Variants in LTBR observed in about 807,000 individuals in gnomAD.
The protein encoded by LTBR is tumor necrosis factor receptor superfamily member 3.
In LTBR, 15 loss-of-function variants were observed where a neutral mutation model predicts 45.4. That is an observed-to-expected ratio of 0.33 (90% CI 0.22 to 0.51). The LOEUF (loss-of-function observed/expected upper bound fraction) is 0.51. Among genes scored for constraint, LTBR ranks in the 20% least tolerant of loss-of-function variants. The probability of loss-of-function intolerance (pLI) is 0.97; values close to 1 mark genes in which losing one functional copy is unlikely to be tolerated. For synonymous variants in LTBR, 228 were observed against 231.0 expected, an observed-to-expected ratio of 0.99 and a Z score of 0.12; for missense variants, 450 against 565.5, an observed-to-expected ratio of 0.80 and a Z score of 2.07.
upstream of LTBR, among the ~76,000 whole-genome samples, chr12:6,382,460 G>A (rs1401614744): frequency 6.6e-6 from 1 of 152,192 alleles, no homozygotes; most frequent in African/African-American, 2.4e-5. Flanking sequence ...AGGACCTAGG[G>A]TCGCTACACA....
chr12:6,380,331 C>T (rs540524103), upstream of LTBR, among the ~76,000 whole-genome samples: 2 of 152,172 alleles, frequency 1.3e-5, no homozygotes, highest in African/African-American at 2.4e-5. Flanking sequence ...TTTCCAAGAG[C>T]ACTAGTCAGC....
intron 4 of LTBR, 99 bp from the exon 5 acceptor site, chr12:6,385,967 G>A: frequency 2.5e-6 from 2 of 789,192 alleles, no homozygotes; most frequent in Non-Finnish European, 4.5e-6. Flanking sequence ...ACGCAATGGG[G>A]TGGATGGGCA....
At chr12:6,375,725 A>G in intron 1 of LTBR, 1 of 1,423,952 alleles carries the variant, frequency 7.0e-7, no homozygotes, top group Non-Finnish European at 9.2e-7. Context: ...GGGGCTTTAG[A>G]CGCAGACAGG....
chr12:6,377,894 C>T (rs1425956807), intron 1 of LTBR, among the ~76,000 whole-genome samples: 2 of 152,176 alleles, frequency 1.3e-5, no homozygotes, highest in Admixed American at 6.5e-5. Context: ...CACGTCCTGC[C>T]GGGTATGGGA....
chr12:6,381,931 C>A (rs1308344889), upstream of LTBR, among the ~76,000 whole-genome samples: 1 of 152,170 alleles, frequency 6.6e-6, no homozygotes, highest in Non-Finnish European at 1.5e-5. Flanking sequence ...GAGATTGCAC[C>A]ACTGCACTCC....
upstream of LTBR, among the ~76,000 whole-genome samples, chr12:6,380,168 A>G (rs997789737): frequency 2.6e-5 from 4 of 151,966 alleles, no homozygotes; most frequent in African/African-American, 9.7e-5. Context: ...CATTGTGACC[A>G]AAACATCTCC....
At position 6,385,252 on chromosome 12, in the gene LTBR, C is replaced by A; in HGVS notation, c.345C>A (p.Pro115=). The A allele has an allele frequency of 6.2e-7, 1 of 1,614,120 alleles. No homozygotes were observed. ...DPVMGLEEIA[P]CTSKRKTQCR... ...TGATGGGCCTCGAGGAGATTGCCCC[C>A]TGCACAAGCAAACGGAAGACCCAGT... is the stretch of plus-strand genomic sequence containing the variant. The change falls in exon 4 of 10, where the codon CCC becomes CCA. Residue 115 remains proline, a synonymous_variant. Transcript: ENST00000228918.
Position 6,391,050 on chromosome 12 carries a change from C to T in LTBR, c.*113C>T, listed in dbSNP as rs184319376. 22 of 1,167,960 alleles carry T rather than the reference C, an allele frequency of 1.9e-5. No individual in the cohort carries two copies. In the Admixed American group the frequency reaches 4.7e-4, roughly 25 times the overall value. 72.3% of individuals were successfully genotyped at this position (1,167,960 alleles called of 1,614,324 possible). On this transcript the variant is annotated 3_prime_UTR_variant, in exon 10 of 10. Transcript: ENST00000228918. Reference sequence around the variant, plus strand: ...TGAGTAGGGCCCGGGGAAGCAGAGCCCTAAGGGATTAAGGCTCAGACACCT... The same window carrying T: ...TGAGTAGGGCCCGGGGAAGCAGAGCTCTAAGGGATTAAGGCTCAGACACCT...
At chr12:6,383,119 TAC>T, upstream of LTBR, among the ~76,000 whole-genome samples, 3 of 152,224 alleles carry the variant, frequency 2.0e-5, 1 homozygote, top group East Asian at 5.8e-4. Context: ...GACAGCCAGG[TAC>T]AGAGGGCAGT....
intron 4 of LTBR, 88 bp downstream of exon 4, chr12:6,385,467 C>T (rs1325115774): frequency 4.1e-6 from 6 of 1,475,040 alleles, no homozygotes; most frequent in Middle Eastern, 2.3e-4. Flanking sequence ...ACTGTGTCCA[C>T]GGCGACCCCC....
At chr12:6,378,261 G>A (rs1592093759) in intron 1 of LTBR, among the ~76,000 whole-genome samples, 1 of 152,176 alleles carries the variant, frequency 6.6e-6, no homozygotes, top group Admixed American at 6.5e-5. Context: ...CTATAGGTAT[G>A]TTTCTACAAC....
At chr12:6,378,224 T>C (rs926000155) in intron 1 of LTBR, among the ~76,000 whole-genome samples, 2 of 84,838 alleles carry the variant, frequency 2.4e-5, no homozygotes, top group African/African-American at 1.4e-4. Flanking sequence ...ACAAAATATA[T>C]AGTTCTTTTT....
chr12:6,379,696 C>T (rs1047025523), upstream of LTBR, among the ~76,000 whole-genome samples: 3 of 151,770 alleles, frequency 2.0e-5, no homozygotes, highest in Non-Finnish European at 4.4e-5. Flanking sequence ...TTTGGGAGGC[C>T]GAGGCGGGTG....
At position 6,390,343 on chromosome 12, in the gene LTBR, G is replaced by A. The variant is rs750197738; in HGVS notation, c.1030+3G>A. 6.3e-7 allele frequency: 1 copy of A among 1,591,906 alleles called. No homozygotes were observed. The highest frequency in any genetic ancestry group is 1.1e-5 in the South Asian group (1 of 89,818). On this transcript the variant is annotated splice_donor_region_variant and intron_variant, in intron 9 of 9. Transcript: ENST00000228918. ...GGAGCAGAGCCAGGTGGCCCACGGT[G>A]AGCCTGGGGCAGGGAGAAGAGAGGA...
upstream of LTBR, among the ~76,000 whole-genome samples, chr12:6,381,443 A>G (rs11831297): frequency 0.16 from 23,655 of 152,180 alleles, 3,190 homozygotes; most frequent in African/African-American, 0.34. Context: ...TAGCTGACTG[A>G]CACAATAAAG....
chr12:6,390,069 T>G (rs1949093544), intron 8 of LTBR, 43 bp from the exon 9 acceptor site: 1 of 1,320,764 alleles, frequency 7.6e-7, no homozygotes. Context: ...AAAAAGGGTC[T>G]GGGGCCCTCA....
At chr12:6,390,614 G>A in intron 9 of LTBR, 46 bp from the exon 10 acceptor site, 1 of 1,496,248 alleles carries the variant, frequency 6.7e-7, no homozygotes, top group Non-Finnish European at 8.9e-7. Flanking sequence ...CAGCGGGCCT[G>A]AACTGGGGGC....
intron 1 of LTBR, among the ~76,000 whole-genome samples, chr12:6,378,227 T>A (rs570995034): frequency 1.5e-4 from 13 of 84,460 alleles, no homozygotes; most frequent in Non-Finnish European, 2.4e-4. Context: ...AAATATATAG[T>A]TCTTTTTTAT....
At chr12:6,375,605 C>A (rs72645137) in intron 1 of LTBR, 12 of 1,473,918 alleles carry the variant, frequency 8.1e-6, no homozygotes, top group Non-Finnish European at 1.1e-5. Flanking sequence ...GTGAGCAGGG[C>A]GGGGGGAGGG....
Sources: allele counts gnomAD v4.1 joint callset (sites outside exome capture counted in the v4.1 genomes callset), GRCh38; gene constraint gnomAD v4.1.1; transcripts MANE v1.5; gene names NCBI Gene and HGNC (gene_info 2026-07-23, HGNC 2026-07-21).